Variants in UGT1A8 observed in about 807,000 individuals in gnomAD.
UGT1A8 encodes UDP glucuronosyltransferase family 1 member A8.
A neutral mutation model predicts 45.3 loss-of-function variants in UGT1A8; 39 were observed. The ratio of observed to expected loss-of-function variants is 0.86; its 90% CI spans 0.67 to 1.12. The LOEUF is 1.12. UGT1A8 is among the 50% of genes most tolerant of loss of function. The probability of loss-of-function intolerance (pLI) is 0.00; values close to 1 mark genes in which losing one functional copy is unlikely to be tolerated. For missense variants in UGT1A8, 719 were observed against 664.9 expected (o/e 1.08, Z -0.90); for synonymous variants, 275 against 249.2 (o/e 1.10, Z -0.97).
chr2:233,626,417 T>C (rs142570332), intron 1 of UGT1A8, among the ~76,000 whole-genome samples: 1 of 152,216 alleles, frequency 6.6e-6, no homozygotes, highest in South Asian at 2.1e-4. Flanking sequence ...GTGGTGTCTA[T>C]TGACTCTTGA....
chr2:233,669,437 T>C (rs765472226), intron 1 of UGT1A8, among the ~76,000 whole-genome samples: 2 of 152,226 alleles, frequency 1.3e-5, no homozygotes, highest in African/African-American at 2.4e-5. Flanking sequence ...TTGAGTTTTC[T>C]GATTCATGAA....
At chr2:233,732,425 G>T (rs1329507271) in intron 1 of UGT1A8, among the ~76,000 whole-genome samples, 1 of 152,186 alleles carries the variant, frequency 6.6e-6, no homozygotes, top group African/African-American at 2.4e-5. Context: ...TTTTCTTCTA[G>T]GATTTTTATG....
chr2:233,723,738 G>C (rs1448534034), intron 1 of UGT1A8, among the ~76,000 whole-genome samples: 1 of 75,272 alleles, frequency 1.3e-5, no homozygotes, highest in Non-Finnish European at 2.3e-5. Flanking sequence ...GACTCTTAAC[G>C]AGCATGCTGC....
At chr2:233,648,901 C>T (rs1332721191) in intron 1 of UGT1A8, 1 of 1,335,910 alleles carries the variant, frequency 7.5e-7, no homozygotes, top group East Asian at 2.5e-5. Flanking sequence ...GGCATATGAT[C>T]TCTACAGCCA....
intron 1 of UGT1A8, among the ~76,000 whole-genome samples, chr2:233,645,757 C>T (rs2073585018): frequency 1.3e-5 from 2 of 152,204 alleles, no homozygotes; most frequent in South Asian, 4.1e-4. Context: ...GGTACAGCCT[C>T]CCTTCCAGCT....
At chr2:233,755,117 C>T (rs1274976698) in intron 1 of UGT1A8, 1 of 1,330,518 alleles carries the variant, frequency 7.5e-7, no homozygotes, top group Admixed American at 1.9e-5. Flanking sequence ...CCTCGTAGGC[C>T]TCAGCCACCT....
intron 1 of UGT1A8, among the ~76,000 whole-genome samples, chr2:233,629,400 A>G (rs1237852841): frequency 6.6e-6 from 1 of 152,104 alleles, no homozygotes; most frequent in Non-Finnish European, 1.5e-5. Context: ...TGCTATGAAC[A>G]TGGTGGCACA....
Position 233,747,385 on chromosome 2 carries a change from C to T in UGT1A8, c.856-19649C>T, listed in dbSNP as rs531193212. The T allele has an allele frequency of 6.7e-4, 1,075 of 1,604,740 alleles. 9 individuals are homozygous for T. The highest frequency in any genetic ancestry group is 4.1e-3 in the African/African-American group (305 of 74,460). Reference sequence around the variant, plus strand: ...GAGCTCCATGCCAGAGGCCACCAGGCGGTGGTCCTCACCCCAGAGGTGAAT... The same window carrying T: ...GAGCTCCATGCCAGAGGCCACCAGGTGGTGGTCCTCACCCCAGAGGTGAAT... On this transcript the variant is annotated intron_variant, in intron 1 of 4. Transcript: ENST00000373450.
chr2:233,725,091 G>T (rs1474788345), intron 1 of UGT1A8, among the ~76,000 whole-genome samples: 2 of 144,822 alleles, frequency 1.4e-5, no homozygotes, highest in African/African-American at 5.2e-5. Context: ...GCAGGCTGAG[G>T]CAGGAGAATC....
chr2:233,726,224 T>G (rs1237222644), intron 1 of UGT1A8, among the ~76,000 whole-genome samples: 2 of 152,154 alleles, frequency 1.3e-5, no homozygotes, highest in Non-Finnish European at 2.9e-5. Context: ...TAGAAAACAT[T>G]TTTTAAAACT....
intron 1 of UGT1A8, among the ~76,000 whole-genome samples, chr2:233,676,925 G>A (rs28970011): frequency 0.017 from 2,534 of 152,096 alleles, 88 homozygotes; most frequent in African/African-American, 0.058. Flanking sequence ...ATTCTGTTCT[G>A]TTGATCTATT....
intron 1 of UGT1A8, among the ~76,000 whole-genome samples, chr2:233,651,874 T>A (rs2073750565): frequency 6.6e-6 from 1 of 151,958 alleles, no homozygotes; most frequent in Non-Finnish European, 1.5e-5. Flanking sequence ...TTCCTGAAGG[T>A]CTCCAGTAGC....
chr2:233,733,268 A>G (rs2078375878), intron 1 of UGT1A8, among the ~76,000 whole-genome samples: 1 of 152,120 alleles, frequency 6.6e-6, no homozygotes. Flanking sequence ...GGACTATTTG[A>G]CTTCCTCTTT....
At chr2:233,718,795 G>T (rs1190381622) in intron 1 of UGT1A8, 2 of 1,613,210 alleles carry the variant, frequency 1.2e-6, no homozygotes, top group South Asian at 2.2e-5. Flanking sequence ...GGGGTGGACA[G>T]TCAGCTGTCG....
Position 233,768,439 on chromosome 2 carries a change from G to T in UGT1A8, c.1295G>T (p.Ser432Ile), listed in dbSNP as rs1306719122. 6.2e-7 allele frequency: 1 copy of T among 1,613,244 alleles called. No homozygotes were observed. Among genetic ancestry groups the T allele is most frequent in the South Asian group, 1.1e-5 (1 of 90,868 alleles). ...CTAAAAGCAGTCATCAATGACAAAAGGTAAGAAAGAAGATACAGAAGAATA... is the reference window on the plus strand; with the variant it reads ...CTAAAAGCAGTCATCAATGACAAAATGTAAGAAAGAAGATACAGAAGAATA... ...NALKAVINDK[S>I]YKENIMRLSS... Residue 432 changes from serine to isoleucine, a missense_variant and splice_region_variant, in exon 4 of 5, where the codon AGT becomes ATT. Transcript: ENST00000373450.
chr2:233,694,344 G>A (rs2075216072), intron 1 of UGT1A8, among the ~76,000 whole-genome samples: 1 of 150,486 alleles, frequency 6.6e-6, no homozygotes, highest in Admixed American at 6.6e-5. Context: ...GTTTTTATAT[G>A]GCCCAGAGCT....
Position 233,636,861 on chromosome 2 carries a change from C to T in UGT1A8, c.855+18299C>T, listed in dbSNP as rs746199187. ...TATTTTCTCTATTAATGAGTTCATCCAGTGGTTTTCTTGACTTATTTTTTT... is the reference window on the plus strand; with the variant it reads ...TATTTTCTCTATTAATGAGTTCATCTAGTGGTTTTCTTGACTTATTTTTTT... On this transcript the variant is annotated intron_variant, in intron 1 of 4. Coordinates refer to ENST00000373450, the MANE Select transcript of UGT1A8 (RefSeq NM_019076.5). 17 of 1,614,132 alleles carry T rather than the reference C, an allele frequency of 1.1e-5. No homozygotes were observed. The East Asian group carries it at 3.8e-4, about 36-fold the overall frequency.
intron 1 of UGT1A8, among the ~76,000 whole-genome samples, chr2:233,661,593 C>A (rs767314541): frequency 6.7e-6 from 1 of 149,408 alleles, no homozygotes; most frequent in African/African-American, 2.5e-5. Context: ...TTGAAGCCTG[C>A]TGGCATCACT....
chr2:233,650,012 C>T (rs771444427), intron 1 of UGT1A8, among the ~76,000 whole-genome samples: 35 of 152,248 alleles, frequency 2.3e-4, no homozygotes, highest in South Asian at 4.1e-4. Flanking sequence ...CTCTTGTTGT[C>T]GAGGCTGGGG....
Sources: allele counts gnomAD v4.1 joint callset (sites outside exome capture counted in the v4.1 genomes callset), GRCh38; gene constraint gnomAD v4.1.1; transcripts MANE v1.5; gene names NCBI Gene and HGNC (gene_info 2026-07-23, HGNC 2026-07-21).